The following RANBP17 variants were observed in gnomAD, a reference collection of about 807,000 sequenced individuals.
RANBP17 encodes the protein RAN binding protein 17, also known as ran-binding protein 17.
In RANBP17, 158 loss-of-function variants were observed where a neutral mutation model predicts 141.2. That is an observed-to-expected ratio of 1.12 (90% CI 0.98 to 1.28). The LOEUF is 1.28. Ranked by LOEUF, RANBP17 falls within the 50% of genes most tolerant of loss-of-function variation. The pLI, the probability that RANBP17 is intolerant of heterozygous loss-of-function variation, is 0.00. For missense variants in RANBP17, 1,438 were observed against 1,290.7 expected (o/e 1.11, Z -1.75); for synonymous variants, 430 against 450.0 (o/e 0.96, Z 0.56).
intron 22 of RANBP17, 29 bp from the exon 23 acceptor site, chr5:171,240,899 T>C: frequency 1.0e-5 from 15 of 1,478,270 alleles, no homozygotes; most frequent in Non-Finnish European, 1.4e-5. Flanking sequence ...CATCTACTTA[T>C]GTCACTTTCT....
intron 25 of RANBP17, among the ~76,000 whole-genome samples, chr5:171,275,474 A>T (rs1767426965): frequency 6.6e-6 from 1 of 152,256 alleles, no homozygotes; most frequent in Non-Finnish European, 1.5e-5. Context: ...TGGAGCTTTC[A>T]CTATTACCAC....
chr5:171,073,836 CTTT>C (rs76724013), intron 14 of RANBP17, among the ~76,000 whole-genome samples: 2 of 141,182 alleles, frequency 1.4e-5, no homozygotes, highest in Non-Finnish European at 1.5e-5. Context: ...TAAGGAGGTA[CTTT>C]TTTTTTTTTT....
chr5:171,080,244 A>AACACACACACACAC (rs5873252), intron 14 of RANBP17, among the ~76,000 whole-genome samples: 3 of 147,796 alleles, frequency 2.0e-5, no homozygotes, highest in Non-Finnish European at 3.0e-5. Context: ...ACACACACAA[A>AACACACACACACAC]ACACACACAC....
intron 14 of RANBP17, among the ~76,000 whole-genome samples, chr5:171,132,279 AAGG>A (rs946938410): frequency 9.2e-5 from 14 of 152,224 alleles, no homozygotes; most frequent in African/African-American, 3.1e-4. Flanking sequence ...GAAGGAAAGA[AAGG>A]AGAGAAAAGA....
intron 14 of RANBP17, among the ~76,000 whole-genome samples, chr5:171,003,054 T>G (rs1779332131): frequency 6.6e-6 from 1 of 152,116 alleles, no homozygotes; most frequent in South Asian, 2.1e-4. Context: ...TGAGCATAGT[T>G]TGTGATTTTG....
At position 171,211,066 on chromosome 5, in the gene RANBP17, A is replaced by G. The variant is rs868465005; in HGVS notation, c.2232-2565A>G. Among the ~76,000 whole-genome samples, 13 of 150,716 alleles carry G rather than the reference A, an allele frequency of 8.6e-5. No individual in the cohort carries two copies. In the Middle Eastern group the frequency reaches 0.01, roughly 119 times the overall value. ...GGATCCCCAGCCCTTAGCATAGTAC[A>G]TAGCACATGGTATCTACATCTATCA... On this transcript the variant is annotated intron_variant, in intron 20 of 27. Coordinates refer to ENST00000523189, the MANE Select transcript of RANBP17 (RefSeq NM_022897.5).
At chr5:171,147,321 C>T (rs1158040466) in intron 14 of RANBP17, among the ~76,000 whole-genome samples, 1 of 113,498 alleles carries the variant, frequency 8.8e-6, no homozygotes, top group African/African-American at 3.1e-5. Context: ...ATTATGTAAT[C>T]ATCTTTTCTT....
At chr5:170,965,113 C>T (rs1293853488) in intron 13 of RANBP17, among the ~76,000 whole-genome samples, 1 of 152,058 alleles carries the variant, frequency 6.6e-6, no homozygotes, top group African/African-American at 2.4e-5. Context: ...GATGGTATCT[C>T]ATTGTGGTTT....
chr5:171,075,449 A>C (rs779735417), intron 14 of RANBP17, among the ~76,000 whole-genome samples: 1 of 152,222 alleles, frequency 6.6e-6, no homozygotes, highest in Non-Finnish European at 1.5e-5. Flanking sequence ...ACAATAACCC[A>C]TGTGTTATAT....
chr5:171,159,917 CAAAAAAAAAA>C (rs1175963382), intron 14 of RANBP17, among the ~76,000 whole-genome samples: 1 of 41,492 alleles, frequency 2.4e-5, no homozygotes, highest in African/African-American at 7.6e-5. Context: ...GACTCCATCT[CAAAAAAAAAA>C]AAAAAAAAAA....
intron 14 of RANBP17, among the ~76,000 whole-genome samples, chr5:171,052,955 C>T (rs1400900773): frequency 1.1e-4 from 5 of 44,632 alleles, no homozygotes; most frequent in Non-Finnish European, 2.3e-4. Flanking sequence ...TGGGTTCAAG[C>T]GATTATCCTG....
At chr5:171,009,474 A>AT (rs1779878714) in intron 14 of RANBP17, among the ~76,000 whole-genome samples, 1 of 152,106 alleles carries the variant, frequency 6.6e-6, no homozygotes. Flanking sequence ...ATATACAGAT[A>AT]TTTTTATTTT....
At chr5:171,082,464 T>C (rs1194720621) in intron 14 of RANBP17, among the ~76,000 whole-genome samples, 2 of 152,168 alleles carry the variant, frequency 1.3e-5, no homozygotes, top group Non-Finnish European at 2.9e-5. Flanking sequence ...AATCTCAGTG[T>C]GGCAGAAGCT....
intron 14 of RANBP17, among the ~76,000 whole-genome samples, chr5:170,978,293 C>A (rs991507480): frequency 6.6e-6 from 1 of 151,982 alleles, no homozygotes; most frequent in Non-Finnish European, 1.5e-5. Flanking sequence ...AACTATTTGG[C>A]GATGTACTAA....
rs1208591262 is a variant in RANBP17, at chr5:171,252,843, G to A, written c.2776+10023G>A. The A allele has an allele frequency of 2.0e-5, 25 of 1,260,684 alleles. No individual in the cohort carries two copies. The East Asian group carries it at 5.1e-4, about 26-fold the overall frequency. 78.1% of individuals were successfully genotyped at this position (1,260,684 alleles called of 1,614,324 possible). Reference sequence around the variant, plus strand: ...GAGGCCATTGTATTGTAATAGTTAAGAGTCATGATTTTTGGTTGTTGTTTG... The same window carrying A: ...GAGGCCATTGTATTGTAATAGTTAAAAGTCATGATTTTTGGTTGTTGTTTG... On this transcript the variant is annotated intron_variant, in intron 24 of 27. Transcript: ENST00000523189.
intron 14 of RANBP17, chr5:170,983,163 GGA>G (rs1248516777): frequency 6.0e-6 from 3 of 498,370 alleles, no homozygotes; most frequent in Non-Finnish European, 1.2e-5. Context: ...ATCAAACACA[GGA>G]GAGAGGCTAA....
rs768247900 is a variant in RANBP17 at position 170,885,576 on chromosome 5, G to A, written c.256+3680G>A. 3.3e-5 allele frequency among the ~76,000 whole-genome samples: 5 copies of A among 152,130 alleles called. No homozygotes were observed. In the South Asian group the frequency reaches 1.0e-3, roughly 32 times the overall value. Reference sequence around the variant, plus strand: ...AAGTTTAGAGTAGTTGAAATCTGTAGGAATGCACTTCTGAGGGCCAAAAAT... The same window carrying A: ...AAGTTTAGAGTAGTTGAAATCTGTAAGAATGCACTTCTGAGGGCCAAAAAT... On this transcript the variant is annotated intron_variant, in intron 3 of 27. Transcript: ENST00000523189.
At chr5:171,121,828 C>A (rs1756058769) in intron 14 of RANBP17, among the ~76,000 whole-genome samples, 1 of 152,146 alleles carries the variant, frequency 6.6e-6, no homozygotes, top group Non-Finnish European at 1.5e-5. Context: ...CCCCACCACA[C>A]CCCCACCCCT....
chr5:171,128,511 G>T (rs1374557864), intron 14 of RANBP17, among the ~76,000 whole-genome samples: 1 of 152,152 alleles, frequency 6.6e-6, no homozygotes, highest in East Asian at 1.9e-4. Context: ...AGGCTGCAAA[G>T]GGAAGGGATG....
Sources: allele counts gnomAD v4.1 joint callset (sites outside exome capture counted in the v4.1 genomes callset), GRCh38; gene constraint gnomAD v4.1.1; transcripts MANE v1.5; gene names NCBI Gene and HGNC (gene_info 2026-07-23, HGNC 2026-07-21).